BAHCC1: variants seen among roughly 807,000 people sequenced by gnomAD.
The protein encoded by BAHCC1 is BAH and coiled-coil domain-containing protein 1.
BAHCC1 carries 43 observed loss-of-function variants against 88.2 expected under a neutral mutation model. That is an observed-to-expected ratio of 0.49 (90% CI 0.38 to 0.63). BAHCC1 has a LOEUF of 0.63. Among genes scored for constraint, BAHCC1 ranks in the 20% least tolerant of loss-of-function variants. The pLI, the probability that BAHCC1 is intolerant of heterozygous loss-of-function variation, is 0.00. For missense variants in BAHCC1, 3,023 were observed against 1,654.8 expected (o/e 1.83, Z -14.34); for synonymous variants, 1,510 against 745.5 (o/e 2.03, Z -16.71).
intron 26 of BAHCC1, among the ~76,000 whole-genome samples, chr17:81,462,330 G>A (rs1043726204): frequency 9.2e-5 from 14 of 152,346 alleles, no homozygotes; most frequent in South Asian, 8.3e-4. Context: ...ACTTTTCCAC[G>A]TTGATAAGTG....
chr17:81,430,376 G>A (rs2064246820), intron 3 of BAHCC1, among the ~76,000 whole-genome samples: 1 of 152,168 alleles, frequency 6.6e-6, no homozygotes, highest in South Asian at 2.1e-4. Flanking sequence ...GAGCCATGGG[G>A]GCGGCAGGCA....
At chr17:81,462,495 C>T (rs2030386809) in intron 26 of BAHCC1, 1 of 552,728 alleles carries the variant, frequency 1.8e-6, no homozygotes, top group Non-Finnish European at 3.2e-6. Context: ...GTCCCTGTCC[C>T]AGATCCAGTG....
rs1555659574 is a variant in BAHCC1, at chr17:81,461,832, G to A, written c.7169G>A (p.Cys2390Tyr). The A allele has an allele frequency of 5.6e-6, 4 of 719,146 alleles. No homozygotes were observed. In the South Asian group the frequency reaches 5.9e-5, roughly 11 times the overall value. The allele number at this position is 719,146 out of a possible 1,614,324, so 44.5% of individuals were successfully genotyped here. A position where few individuals can be genotyped will look rare whatever the true frequency, so the allele number is the denominator to read the frequency against. The change falls in exon 26 of 28, where the codon TGC becomes TAC. Residue 2390 changes from cysteine to tyrosine, a missense_variant. By Grantham distance (194) the Cys-to-Tyr change is radical (BLOSUM62 -2). Coordinates refer to ENST00000675386, the MANE Select transcript of BAHCC1 (RefSeq NM_001377448.1). ...GGCCCTCACGCGCATGCCCAGCGCTGCTTCCTGTCCAGGGCCACGGTGGCT... is the reference window on the plus strand; with the variant it reads ...GGCCCTCACGCGCATGCCCAGCGCTACTTCCTGTCCAGGGCCACGGTGGCT... The part of the protein sequence containing the change: ...GSGPHAHAQR[C>Y]FLSRATVAGT...
rs782345014 is a variant in BAHCC1, at chr17:81,462,725, C to T, written c.7384-15C>T. The T allele has an allele frequency of 2.7e-6, 2 of 739,832 alleles. No homozygotes were observed. The highest frequency in any genetic ancestry group is 3.0e-5 in the South Asian group (2 of 67,150). The allele number at this position is 739,832 out of a possible 1,614,324, so 45.8% of individuals were successfully genotyped here. On this transcript the variant is annotated splice_polypyrimidine_tract_variant and intron_variant, in intron 26 of 27. Transcript: ENST00000675386. ...CCCCGGCCTCTCAGAGCCACCCTGC[C>T]CATGTCCCCCACAGCGGCGTGGCAT...
chr17:81,412,717 C>T (rs1156359173), intron 2 of BAHCC1, among the ~76,000 whole-genome samples: 1 of 152,264 alleles, frequency 6.6e-6, no homozygotes, highest in Non-Finnish European at 1.5e-5. Flanking sequence ...TGTCTCTTCC[C>T]TGCATGAGTA....
intron 2 of BAHCC1, among the ~76,000 whole-genome samples, chr17:81,418,429 A>C (rs1555649043): frequency 2.0e-5 from 3 of 152,148 alleles, no homozygotes; most frequent in Admixed American, 6.5e-5. Context: ...CTCAGAACTG[A>C]GCAGCTGTGC....
At chr17:81,404,836 C>T (rs1027302057) in intron 2 of BAHCC1, among the ~76,000 whole-genome samples, 1 of 152,084 alleles carries the variant, frequency 6.6e-6, no homozygotes, top group East Asian at 1.9e-4. Context: ...CCTTTGTTCT[C>T]CTTCTCTCTG....
chr17:81,443,436 G>C lies in BAHCC1; in HGVS notation c.2087G>C (p.Gly696Ala), dbSNP rs1555653318. Residue 696 changes from glycine (G) to alanine (A), a missense_variant, in exon 5 of 28, where the codon GGG (glycine) becomes GCG (alanine). Gly to Ala is a moderately conservative substitution (Grantham distance 60). Coordinates refer to ENST00000675386, the MANE Select transcript of BAHCC1 (RefSeq NM_001377448.1). Reference sequence around the variant, plus strand: ...GAGCACGACACCACGCACGGCGACGGGGAGGTGCGGCAGCCCCCTGTGGGC... The same window carrying C: ...GAGCACGACACCACGCACGGCGACGCGGAGGTGCGGCAGCCCCCTGTGGGC... ...SREHDTTHGD[G>A]EVRQPPVGIA... 1 of 752,530 alleles carries C rather than the reference G, an allele frequency of 1.3e-6. No homozygotes were observed. The highest frequency in any genetic ancestry group is 2.5e-6 in the Non-Finnish European group (1 of 405,010). 46.6% of individuals were successfully genotyped at this position (752,530 alleles called of 1,614,324 possible).
chr17:81,446,964 C>T (rs2064540274), intron 10 of BAHCC1, 72 bp from the exon 11 acceptor site: 1 of 762,616 alleles, frequency 1.3e-6, no homozygotes, highest in Admixed American at 1.7e-5. Flanking sequence ...AGGCCACTGT[C>T]CTCCGTCCTA....
Position 81,447,289 on chromosome 17 carries a change from G to A in BAHCC1, c.3417G>A (p.Arg1139=), listed in dbSNP as rs782138513. Residue 1139 remains arginine (R), a synonymous_variant, in exon 11 of 28, where the codon CGG becomes CGA. Coordinates refer to ENST00000675386, the MANE Select transcript of BAHCC1 (RefSeq NM_001377448.1). Reference sequence around the variant, plus strand: ...CCGCCACCCCCTACCCTACCGAGCGGGGACCCCAGGGGAAGGCAGCGGACC... The same window carrying A: ...CCGCCACCCCCTACCCTACCGAGCGAGGACCCCAGGGGAAGGCAGCGGACC... ...DLAATPYPTE[R]GPQGKAADPS... is the part of the protein sequence containing the mutation. 4.0e-5 allele frequency: 29 copies of A among 730,722 alleles called. No homozygotes were observed. Among genetic ancestry groups the A allele is most frequent in the Admixed American group, 3.4e-4 (17 of 49,858 alleles). 45.3% of individuals were successfully genotyped at this position (730,722 alleles called of 1,614,324 possible).
chr17:81,445,525 G>C lies in BAHCC1; in HGVS notation c.3007G>C (p.Ala1003Pro). The C allele has an allele frequency of 1.4e-6, 1 of 718,254 alleles. No individual in the cohort carries two copies. The highest frequency in any genetic ancestry group is 2.7e-5 in the East Asian group (1 of 37,682). The allele number at this position is 718,254 out of a possible 1,614,324, so 44.5% of individuals were successfully genotyped here. A position where few individuals can be genotyped will look rare whatever the true frequency, so the allele number is the denominator to read the frequency against. ...CCATCCGCCCGACCCAAAGCCCCCCGCCAGCTCCCCCACCCCACCACCTCG... is the reference window on the plus strand; with the variant it reads ...CCATCCGCCCGACCCAAAGCCCCCCCCCAGCTCCCCCACCCCACCACCTCG... ...CCHPPDPKPP[A>P]SSPTPPPRPS... The change falls in exon 10 of 28, where the codon GCC becomes CCC. Residue 1003 changes from alanine (A) to proline (P), a missense_variant. Physicochemically the swap from Ala to Pro is conservative, Grantham distance 27. Transcript: ENST00000675386.
intron 4 of BAHCC1, among the ~76,000 whole-genome samples, chr17:81,440,765 C>G (rs952871884): frequency 6.6e-6 from 1 of 152,190 alleles, no homozygotes; most frequent in Non-Finnish European, 1.5e-5. Flanking sequence ...TCACCCCCCA[C>G]CAGGCAGGGT....
Position 81,461,407 on chromosome 17 carries a change from C to T in BAHCC1, c.6744C>T (p.His2248=), listed in dbSNP as rs782406782. ...GRPLPSPSYV[H]PALVGKDKKG... ...CCCTGCCCAGCCCCAGCTATGTGCA[C>T]CCGGCCCTTGTGGGCAAGGACAAGA... Residue 2248 remains histidine, a synonymous_variant, in exon 26 of 28, where the codon CAC becomes CAT. Transcript: ENST00000675386. 69 of 724,326 alleles carry T rather than the reference C, an allele frequency of 9.5e-5. No individual in the cohort carries two copies. The highest frequency in any genetic ancestry group is 3.9e-4 in the Admixed American group (21 of 54,080). The allele number at this position is 724,326 out of a possible 1,614,324, so 44.9% of individuals were successfully genotyped here.
chr17:81,454,370 C>G (rs1223244671), intron 14 of BAHCC1, among the ~76,000 whole-genome samples: 5 of 152,174 alleles, frequency 3.3e-5, no homozygotes, highest in African/African-American at 1.2e-4. Flanking sequence ...ATGGGGAATA[C>G]TGAGGCTCAG....
At chr17:81,453,534 G>C (rs1383108457) in intron 14 of BAHCC1, among the ~76,000 whole-genome samples, 6 of 152,220 alleles carry the variant, frequency 3.9e-5, no homozygotes, top group African/African-American at 1.2e-4. Context: ...CAAATGCAGA[G>C]AAGGTTACGG....
At chr17:81,454,475 G>T (rs1389777667) in intron 14 of BAHCC1, among the ~76,000 whole-genome samples, 1 of 152,182 alleles carries the variant, frequency 6.6e-6, no homozygotes, top group East Asian at 1.9e-4. Flanking sequence ...CTCCTGAGAG[G>T]GCCTGAGCCC....
Position 81,443,146 on chromosome 17 carries a change from G to A in BAHCC1, c.1797G>A (p.Glu599=), listed in dbSNP as rs1039286575. The A allele has an allele frequency of 3.9e-6, 3 of 778,192 alleles. No homozygotes were observed. Among genetic ancestry groups the A allele is most frequent in the Non-Finnish European group, 7.2e-6 (3 of 417,174 alleles). The allele number at this position is 778,192 out of a possible 1,614,324, so 48.2% of individuals were successfully genotyped here. A position where few individuals can be genotyped will look rare whatever the true frequency, so the allele number is the denominator to read the frequency against. The change falls in exon 5 of 28, where the codon GAG becomes GAA. Residue 599 remains glutamate, a synonymous_variant. Transcript: ENST00000675386. ...GCACCGCCATGGCCATCAGCGAGGA[G>A]CGCAAGGCTGGCGCCTACCTGGACC... ...GQGTAMAISE[E]RKAGAYLDPF...
In BAHCC1 at chr17:81,458,889, G is replaced by A. The variant is rs1183187994; in HGVS notation, c.5525G>A (p.Ser1842Asn). The A allele has an allele frequency of 2.6e-6, 2 of 774,696 alleles. No individual in the cohort carries two copies. Among genetic ancestry groups the A allele is most frequent in the East Asian group, 2.4e-5 (1 of 41,118 alleles). 48.0% of individuals were successfully genotyped at this position (774,696 alleles called of 1,614,324 possible). ...EEDFEFDDNSSFSEEEEDEEE... is the reference protein window; with the variant it reads ...EEDFEFDDNSNFSEEEEDEEE... ...GACTTTGAGTTCGACGACAACAGCA[G>A]CTTCTCGGAAGAGGAGGAGGACGAG... The change falls in exon 20 of 28, where the codon AGC (serine) becomes AAC (asparagine). Residue 1842 changes from serine to asparagine, a missense_variant. Coordinates refer to ENST00000675386, the MANE Select transcript of BAHCC1 (RefSeq NM_001377448.1).
chr17:81,463,010 CT>C, intron 27 of BAHCC1, 34 bp downstream of exon 27: 1 of 766,998 alleles, frequency 1.3e-6, no homozygotes, highest in Non-Finnish European at 2.4e-6. Flanking sequence ...CCCAGCCCCC[CT>C]CGGGGCCCCA....
Sources: gnomAD v4.1 joint callset for allele counts (sites outside exome capture counted in the v4.1 genomes callset) on GRCh38, gnomAD v4.1.1 for gene constraint, MANE v1.5 for transcripts, NCBI Gene and HGNC (gene_info 2026-07-23, HGNC 2026-07-21) for gene names.